ARAP2: variants seen among roughly 807,000 people sequenced by gnomAD.
The protein encoded by ARAP2 is arf-GAP with Rho-GAP domain, ANK repeat and PH domain-containing protein 2.
ARAP2 carries 148 observed loss-of-function variants against 194.5 expected under a neutral mutation model. That is an observed-to-expected ratio of 0.76 (90% confidence interval 0.67 to 0.87). The LOEUF is 0.87. Ranked by LOEUF, ARAP2 falls within the 40% of genes least tolerant of loss-of-function variation. The pLI is 0.00. For synonymous variants in ARAP2, 695 were observed against 683.5 expected (o/e 1.02, Z -0.26); for missense variants, 2,128 against 1,989.7 (o/e 1.07, Z -1.32).
At chr4:36,124,099 GAGA>G (rs1419831664) in intron 22 of ARAP2, among the ~76,000 whole-genome samples, 3 of 151,816 alleles carry the variant, frequency 2.0e-5, no homozygotes, top group African/African-American at 7.2e-5. Flanking sequence ...TGACATAAAT[GAGA>G]AGTAGTGGTT....
At chr4:36,128,927 T>C (rs1370745572) in intron 20 of ARAP2, among the ~76,000 whole-genome samples, 182 bp from the exon 21 acceptor site, 1 of 152,046 alleles carries the variant, frequency 6.6e-6, no homozygotes, top group African/African-American at 2.4e-5. Context: ...ATTTAAAATG[T>C]AAACCTAATG....
intron 28 of ARAP2, among the ~76,000 whole-genome samples, chr4:36,084,424 GTT>G (rs917605956): frequency 1.3e-5 from 2 of 151,990 alleles, no homozygotes; most frequent in Admixed American, 1.3e-4. Context: ...TCTTCGTGTT[GTT>G]TTGGGTCAGA....
chr4:36,046,994 A>T (rs569828166), intron 3 of ARAP2: 1 of 152,220 alleles, frequency 6.6e-6, no homozygotes, highest in African/African-American at 2.4e-5. Flanking sequence ...CCGGGTGCCC[A>T]CTCCTCTAGA....
chr4:36,026,826 T>C (rs1298084986), intron 5 of ARAP2, among the ~76,000 whole-genome samples: 3 of 152,234 alleles, frequency 2.0e-5, no homozygotes, highest in Admixed American at 1.3e-4. Context: ...TTCTGCTCAA[T>C]GTTGACTACT....
chr4:36,173,548 A>C (rs1737131934), intron 9 of ARAP2, among the ~76,000 whole-genome samples: 1 of 152,100 alleles, frequency 6.6e-6, no homozygotes, highest in Admixed American at 6.5e-5. Context: ...GTTCAGAAAA[A>C]AATTGTAGAA....
At chr4:36,154,798 T>G (rs945711490) in intron 15 of ARAP2, among the ~76,000 whole-genome samples, 2 of 152,230 alleles carry the variant, frequency 1.3e-5, no homozygotes, top group African/African-American at 4.8e-5. Flanking sequence ...TCCTGACAAG[T>G]GCTGATGGAG....
intron 8 of ARAP2, among the ~76,000 whole-genome samples, chr4:36,014,136 A>C (rs1310162021): frequency 6.6e-6 from 1 of 151,378 alleles, no homozygotes; most frequent in Non-Finnish European, 1.5e-5. Context: ...ACTGAGGTGG[A>C]AGGATCTTGA....
rs149183264 is a variant in ARAP2, at chr4:36,068,145, C to T, written c.4877G>A (p.Arg1626Gln). ...LEHKDDKLRN[R>Q]PRKHRSFNCL... ...GTTGAAACTCCGATGTTTTCGGGGT[C>T]GATTTCGAAGTTTATCGTCCTTGTG... is the stretch of plus-strand genomic sequence containing the variant. Residue 1626 changes from arginine to glutamine, a missense_variant, in exon 33 of 33, where the codon CGA becomes CAA. Coordinates refer to ENST00000303965, the MANE Select transcript of ARAP2 (RefSeq NM_015230.4). 3.3e-4 allele frequency: 528 copies of T among 1,614,046 alleles called. 4 individuals are homozygous for T. In the East Asian group the frequency reaches 3.6e-3, roughly 11 times the overall value.
intron 27 of ARAP2, among the ~76,000 whole-genome samples, chr4:36,098,821 T>C (rs1470807746): frequency 6.6e-6 from 1 of 152,016 alleles, no homozygotes; most frequent in Non-Finnish European, 1.5e-5. Context: ...GCCACTAAAC[T>C]CCAAGATGTA....
At chr4:36,148,365 T>C (rs765331829) in intron 17 of ARAP2, 40 bp downstream of exon 17, 1 of 1,494,946 alleles carries the variant, frequency 6.7e-7, no homozygotes, top group Non-Finnish European at 9.3e-7. Context: ...CAGTTCACAA[T>C]CTTCTCTGGA....
At chr4:36,087,375 T>C (rs2109366905) in intron 28 of ARAP2, among the ~76,000 whole-genome samples, 1 of 152,202 alleles carries the variant, frequency 6.6e-6, no homozygotes, top group African/African-American at 2.4e-5. Flanking sequence ...AAATTTAACT[T>C]TCAAATGCTT....
intron 1 of ARAP2, among the ~76,000 whole-genome samples, chr4:36,233,106 C>T (rs1751814252): frequency 6.6e-6 from 1 of 152,200 alleles, no homozygotes; most frequent in Non-Finnish European, 1.5e-5. Context: ...TTAATGTCAA[C>T]TCTGTCCTCC....
intron 29 of ARAP2, among the ~76,000 whole-genome samples, 191 bp from the exon 30 acceptor site, chr4:36,082,477 T>C (rs1398901145): frequency 1.3e-5 from 2 of 152,108 alleles, no homozygotes; most frequent in South Asian, 2.1e-4. Flanking sequence ...TACACATTTA[T>C]ATAGAAGGAA....
intron 2 of ARAP2, among the ~76,000 whole-genome samples, chr4:36,057,490 A>G (rs544452568): frequency 6.6e-6 from 1 of 152,164 alleles, no homozygotes; most frequent in African/African-American, 2.4e-5. Context: ...AACACATTAT[A>G]TATATGTTTG....
intron 2 of ARAP2, among the ~76,000 whole-genome samples, chr4:36,057,378 T>A (rs1267871696): frequency 6.6e-6 from 1 of 151,778 alleles, no homozygotes; most frequent in African/African-American, 2.4e-5. Context: ...TTGCTTAGAG[T>A]TCGGCTAACA....
At chr4:36,031,935 C>G (rs948228061) in intron 5 of ARAP2, among the ~76,000 whole-genome samples, 1 of 152,148 alleles carries the variant, frequency 6.6e-6, no homozygotes, top group Admixed American at 6.6e-5. Flanking sequence ...TCCCAAAGTG[C>G]TGGGATTACA....
At chr4:36,184,857 C>T (rs910970626) in intron 8 of ARAP2, among the ~76,000 whole-genome samples, 2 of 152,158 alleles carry the variant, frequency 1.3e-5, no homozygotes, top group Non-Finnish European at 2.9e-5. Context: ...AGAAGCAATG[C>T]CATGTGCTTC....
intron 8 of ARAP2, among the ~76,000 whole-genome samples, chr4:36,180,945 A>G (rs1183986603): frequency 2.0e-5 from 3 of 152,256 alleles, no homozygotes; most frequent in Non-Finnish European, 4.4e-5. Flanking sequence ...AAAATAGATT[A>G]CAAGTGTCAA....
At chr4:36,232,765 C>G (rs1751735073) in intron 1 of ARAP2, among the ~76,000 whole-genome samples, 1 of 152,182 alleles carries the variant, frequency 6.6e-6, no homozygotes, top group Non-Finnish European at 1.5e-5. Flanking sequence ...TGACATATAT[C>G]TATAATTTCT....
Sources: gnomAD v4.1 joint callset for allele counts (sites outside exome capture counted in the v4.1 genomes callset) on GRCh38, gnomAD v4.1.1 for gene constraint, MANE v1.5 for transcripts, NCBI Gene and HGNC (gene_info 2026-07-23, HGNC 2026-07-21) for gene names.